DPP10: variants seen among roughly 807,000 people sequenced by gnomAD.
DPP10 encodes dipeptidyl peptidase like 10, also known as inactive dipeptidyl peptidase 10.
A neutral mutation model predicts 120.9 loss-of-function variants in DPP10; 33 were observed. The ratio of observed to expected loss-of-function variants is 0.27; its 90% CI spans 0.21 to 0.37. DPP10 has a LOEUF of 0.37. DPP10 is among the 10% of genes least tolerant of loss of function. The pLI, the probability that DPP10 is intolerant of heterozygous loss-of-function variation, is 1.00. For synonymous variants in DPP10, 337 were observed against 326.1 expected, an observed-to-expected ratio of 1.03 and a Z score of -0.36; for missense variants, 816 against 942.8, an observed-to-expected ratio of 0.87 and a Z score of 1.76.
chr2:115,331,354 G>A (rs1360332641), intron 2 of DPP10, among the ~76,000 whole-genome samples: 1 of 152,054 alleles, frequency 6.6e-6, no homozygotes, highest in Non-Finnish European at 1.5e-5. Context: ...AATATACAAT[G>A]ATGTCATCTG....
At chr2:114,643,179 G>T (rs1179030647) in intron 1 of DPP10, among the ~76,000 whole-genome samples, 1 of 151,880 alleles carries the variant, frequency 6.6e-6, no homozygotes, top group Non-Finnish European at 1.5e-5. Context: ...TGTTACTGTA[G>T]TGTACCAGTC....
At chr2:114,962,266 C>A (rs1207548431) in intron 1 of DPP10, among the ~76,000 whole-genome samples, 1 of 152,062 alleles carries the variant, frequency 6.6e-6, no homozygotes. Flanking sequence ...TGTTTTTTTA[C>A]ATTTGTTTCC....
chr2:115,611,793 A>T (rs2084119900), intron 5 of DPP10, among the ~76,000 whole-genome samples: 1 of 152,034 alleles, frequency 6.6e-6, no homozygotes, highest in Non-Finnish European at 1.5e-5. Context: ...TGCCTTGATG[A>T]AGTCACTTGA....
At chr2:115,525,844 C>T (rs1288978441) in intron 4 of DPP10, 54 bp from the exon 5 acceptor site, 8 of 1,365,110 alleles carry the variant, frequency 5.9e-6, no homozygotes, top group Non-Finnish European at 8.0e-6. Flanking sequence ...TTTATACATC[C>T]AAATTCATGT....
intron 3 of DPP10, among the ~76,000 whole-genome samples, chr2:115,373,696 A>G (rs1034231970): frequency 3.9e-5 from 6 of 152,018 alleles, no homozygotes; most frequent in Non-Finnish European, 8.8e-5. Context: ...GCAATTTACT[A>G]GTTGTATTCA....
chr2:114,474,936 T>C (rs1417696505), intron 1 of DPP10, among the ~76,000 whole-genome samples: 1 of 152,234 alleles, frequency 6.6e-6, no homozygotes, highest in Non-Finnish European at 1.5e-5. Flanking sequence ...GGTCACCCTC[T>C]GAGGAACCTG....
intron 19 of DPP10, among the ~76,000 whole-genome samples, chr2:115,799,777 T>C (rs1684967708): frequency 6.6e-6 from 1 of 151,984 alleles, no homozygotes; most frequent in Non-Finnish European, 1.5e-5. Context: ...CCATTTTTTA[T>C]GGCTGCATAG....
chr2:115,383,217 C>G (rs1484407783), intron 3 of DPP10, among the ~76,000 whole-genome samples: 1 of 152,084 alleles, frequency 6.6e-6, no homozygotes, highest in African/African-American at 2.4e-5. Context: ...TGGGAGGTTC[C>G]TGGTGGGAAG....
chr2:115,686,862 A>G (rs1223781762), intron 5 of DPP10, among the ~76,000 whole-genome samples: 1 of 152,056 alleles, frequency 6.6e-6, no homozygotes, highest in Non-Finnish European at 1.5e-5. Context: ...ATTTTTGGCT[A>G]TGAAATTTGC....
At chr2:115,124,793 A>G (rs1370587315) in intron 1 of DPP10, among the ~76,000 whole-genome samples, 2 of 152,218 alleles carry the variant, frequency 1.3e-5, no homozygotes, top group Admixed American at 1.3e-4. Context: ...AGTACCTGAC[A>G]TCTAGTTAAC....
intron 1 of DPP10, among the ~76,000 whole-genome samples, chr2:114,528,098 C>A (rs137959376): frequency 6.6e-6 from 1 of 152,174 alleles, no homozygotes; most frequent in African/African-American, 2.4e-5. Flanking sequence ...GGAGGAACAC[C>A]TTCAGCACCA....
chr2:115,650,088 C>A (rs1169976921), intron 5 of DPP10, among the ~76,000 whole-genome samples: 1 of 152,008 alleles, frequency 6.6e-6, no homozygotes. Context: ...TTTGTTGGCA[C>A]AAGGAATTTC....
intron 1 of DPP10, among the ~76,000 whole-genome samples, chr2:114,829,116 A>G (rs1227365889): frequency 1.3e-5 from 2 of 151,876 alleles, no homozygotes; most frequent in African/African-American, 4.8e-5. Flanking sequence ...GTGAAACCCC[A>G]TCTCTACTAA....
intron 5 of DPP10, among the ~76,000 whole-genome samples, chr2:115,626,148 G>A (rs1272163104): frequency 6.6e-6 from 1 of 151,658 alleles, no homozygotes; most frequent in African/African-American, 2.4e-5. Flanking sequence ...TAAGTTCCTT[G>A]AAAGCAAGAA....
chr2:114,787,687 C>T (rs1350567969), intron 1 of DPP10, among the ~76,000 whole-genome samples: 1 of 152,190 alleles, frequency 6.6e-6, no homozygotes, highest in African/African-American at 2.4e-5. Context: ...GCCTCTAAGA[C>T]TTCTGAGACC....
chr2:115,076,596 A>G (rs1707816854), intron 1 of DPP10, among the ~76,000 whole-genome samples: 1 of 152,210 alleles, frequency 6.6e-6, no homozygotes, highest in African/African-American at 2.4e-5. Flanking sequence ...CACTACGTGT[A>G]CATTACACTA....
At chr2:114,528,235 C>A (rs1202851842) in intron 1 of DPP10, among the ~76,000 whole-genome samples, 1 of 152,116 alleles carries the variant, frequency 6.6e-6, no homozygotes, top group Non-Finnish European at 1.5e-5. Flanking sequence ...AGTCTGAGTG[C>A]CACTGGTATC....
At chr2:115,369,568 C>A in intron 3 of DPP10, among the ~76,000 whole-genome samples, 1 of 151,934 alleles carries the variant, frequency 6.6e-6, no homozygotes, top group East Asian at 1.9e-4. Flanking sequence ...CAAATATTTC[C>A]AGTAAAATGT....
Position 115,809,959 on chromosome 2 carries a change from C to T in DPP10, c.1701-4834C>T, listed in dbSNP as rs183595071. ...CAGGCGGATCACGAGGTCAGGAGAT[C>T]GAGACCATCCTGGCTAACATGGTGA... On this transcript the variant is annotated intron_variant, in intron 19 of 25. Coordinates refer to ENST00000410059, the MANE Select transcript of DPP10 (RefSeq NM_020868.6). Among the ~76,000 whole-genome samples, 568 of 152,158 alleles carry T rather than the reference C, an allele frequency of 3.7e-3. 2 individuals carry two copies. Among genetic ancestry groups the T allele is most frequent in the African/African-American group, 0.011 (456 of 41,518 alleles).
Sources: gnomAD v4.1 joint callset for allele counts (sites outside exome capture counted in the v4.1 genomes callset) on GRCh38, gnomAD v4.1.1 for gene constraint, MANE v1.5 for transcripts, NCBI Gene and HGNC (gene_info 2026-07-23, HGNC 2026-07-21) for gene names.